RTTN: variants seen among roughly 807,000 people sequenced by gnomAD.
RTTN encodes the protein rotatin.
RTTN carries 182 observed loss-of-function variants against 269.2 expected under a neutral mutation model. The ratio of observed to expected loss-of-function variants is 0.68; its 90% CI spans 0.60 to 0.76. The LOEUF (loss-of-function observed/expected upper bound fraction) is 0.76, where lower values mean the gene tolerates loss of function less well. RTTN is among the 30% of genes least tolerant of loss of function. RTTN has a pLI of 0.00. For missense variants in RTTN, 2,545 were observed against 2,608.6 expected (o/e 0.98, Z 0.53); for synonymous variants, 1,006 against 963.5 (o/e 1.04, Z -0.82).
At chr18:70,068,844 T>C (rs1403206844) in intron 34 of RTTN, among the ~76,000 whole-genome samples, 1 of 152,240 alleles carries the variant, frequency 6.6e-6, no homozygotes, top group Non-Finnish European at 1.5e-5. Flanking sequence ...CTTCAATTTA[T>C]AATCCCTCGG....
At chr18:70,154,526 A>T (rs2060623202) in intron 14 of RTTN, among the ~76,000 whole-genome samples, 1 of 152,108 alleles carries the variant, frequency 6.6e-6, no homozygotes, top group Non-Finnish European at 1.5e-5. Context: ...AATGATACTC[A>T]CCTGCCCTAT....
chr18:70,025,756 T>C (rs559434601), intron 43 of RTTN, among the ~76,000 whole-genome samples: 11 of 152,342 alleles, frequency 7.2e-5, no homozygotes, highest in Non-Finnish European at 1.3e-4. Flanking sequence ...TGCCATTCTG[T>C]CCACATAGTT....
chr18:70,148,065 T>A (rs962657857), intron 17 of RTTN, among the ~76,000 whole-genome samples: 1 of 152,186 alleles, frequency 6.6e-6, no homozygotes, highest in Non-Finnish European at 1.5e-5. Flanking sequence ...AATAGTTTAG[T>A]TAACTTCCAC....
intron 26 of RTTN, among the ~76,000 whole-genome samples, chr18:70,115,039 TG>T (rs1414852011): frequency 2.6e-5 from 4 of 152,096 alleles, no homozygotes; most frequent in Admixed American, 1.3e-4. Context: ...AATATCTGAT[TG>T]TTTTTCAACA....
intron 28 of RTTN, among the ~76,000 whole-genome samples, chr18:70,109,215 G>A (rs1192931325): frequency 6.6e-6 from 1 of 152,130 alleles, no homozygotes; most frequent in Non-Finnish European, 1.5e-5. Context: ...CTTACTGGTT[G>A]AGCATTCCTA....
At chr18:70,137,215 G>T (rs1181741530) in intron 21 of RTTN, among the ~76,000 whole-genome samples, 2 of 152,118 alleles carry the variant, frequency 1.3e-5, no homozygotes, top group Non-Finnish European at 2.9e-5. Context: ...AGGTAAGGAA[G>T]TTTCGATTCT....
chr18:70,066,059 C>A (rs992721234), intron 34 of RTTN, 137 bp from the exon 35 acceptor site: 75 of 477,754 alleles, frequency 1.6e-4, no homozygotes, highest in Non-Finnish European at 2.2e-4. Flanking sequence ...GAAAAGATTC[C>A]ATATCTTGGG....
chr18:70,186,884 AG>A (rs1467764496), intron 10 of RTTN, among the ~76,000 whole-genome samples: 4 of 152,204 alleles, frequency 2.6e-5, no homozygotes, highest in African/African-American at 7.2e-5. Context: ...AGAGAGTGGG[AG>A]GAGGACCACA....
At chr18:70,115,853 A>T (rs899351126) in intron 26 of RTTN, among the ~76,000 whole-genome samples, 2 of 152,136 alleles carry the variant, frequency 1.3e-5, no homozygotes, top group Middle Eastern at 3.4e-3. Context: ...GAAAATATGT[A>T]AAGAAACCTC....
intron 8 of RTTN, among the ~76,000 whole-genome samples, chr18:70,191,874 A>C (rs910899489): frequency 6.6e-6 from 1 of 152,226 alleles, no homozygotes; most frequent in East Asian, 1.9e-4. Flanking sequence ...GAAGCTGTTC[A>C]CTCAGGAGTG....
chr18:70,189,876 A>C (rs2061630186), intron 9 of RTTN, among the ~76,000 whole-genome samples: 1 of 152,230 alleles, frequency 6.6e-6, no homozygotes, highest in Non-Finnish European at 1.5e-5. Context: ...ACCATTGTTC[A>C]GTACAATTAC....
At chr18:70,015,518 G>C (rs1012044235) in intron 46 of RTTN, among the ~76,000 whole-genome samples, 1 of 152,116 alleles carries the variant, frequency 6.6e-6, no homozygotes. Flanking sequence ...AAATCCCCAA[G>C]TGGAAAGCGA....
At position 70,142,352 on chromosome 18, in the gene RTTN, G is replaced by A. The variant is rs780215570; in HGVS notation, c.2517C>T (p.Thr839=). ...TCAAAACGAGATCAACATCATCTGA[G>A]GTGAAGATTTCATATACCTTTTCAA... The part of the protein sequence containing the change: ...ETVEKVYEIF[T]SDDVDLVLRK... Residue 839 remains threonine, a synonymous_variant, in exon 19 of 49, where the codon ACC becomes ACT. Coordinates refer to ENST00000640769, the MANE Select transcript of RTTN (RefSeq NM_173630.4). The A allele has an allele frequency of 9.3e-6, 15 of 1,605,788 alleles. No individual in the cohort carries two copies. Among genetic ancestry groups the A allele is most frequent in the Non-Finnish European group, 1.3e-5 (15 of 1,176,796 alleles).
chr18:70,148,814 G>C, intron 17 of RTTN, 87 bp downstream of exon 17: 1 of 1,515,776 alleles, frequency 6.6e-7, no homozygotes, highest in Non-Finnish European at 9.0e-7. Flanking sequence ...AAATTCTTTA[G>C]TTTTGTTTCA....
intron 18 of RTTN, 101 bp from the exon 19 acceptor site, chr18:70,142,488 G>A: frequency 1.5e-6 from 1 of 676,978 alleles, no homozygotes; most frequent in Non-Finnish European, 2.5e-6. Flanking sequence ...AGCTCAAAAA[G>A]TCAACTTATT....
chr18:70,148,526 C>T (rs1290583756), intron 17 of RTTN, among the ~76,000 whole-genome samples: 1 of 152,140 alleles, frequency 6.6e-6, no homozygotes, highest in Admixed American at 6.6e-5. Flanking sequence ...ATATTCAGAA[C>T]AGATGTTTAC....
At chr18:70,059,480 A>G (rs892098733) in intron 36 of RTTN, among the ~76,000 whole-genome samples, 2 of 152,218 alleles carry the variant, frequency 1.3e-5, no homozygotes, top group Admixed American at 1.3e-4. Context: ...ACCCAGGGAC[A>G]TTATTCTGAT....
chr18:70,053,649 T>C (rs530662374), intron 38 of RTTN: 16 of 152,388 alleles, frequency 1.0e-4, no homozygotes, highest in African/African-American at 3.6e-4. Context: ...GATCCTACTT[T>C]GCTTTAATTT....
chr18:70,099,384 T>C (rs1345755825), intron 28 of RTTN, among the ~76,000 whole-genome samples: 3 of 152,254 alleles, frequency 2.0e-5, no homozygotes, highest in Admixed American at 6.5e-5. Context: ...ATGTCTTCTT[T>C]TGAGAAGTGT....
Sources: allele counts gnomAD v4.1 joint callset (sites outside exome capture counted in the v4.1 genomes callset), GRCh38; gene constraint gnomAD v4.1.1; transcripts MANE v1.5; gene names NCBI Gene and HGNC (gene_info 2026-07-23, HGNC 2026-07-21).